SLC6A4: variants seen among roughly 807,000 people sequenced by gnomAD.
SLC6A4 encodes the protein sodium-dependent serotonin transporter.
Under a neutral mutation model 73.4 loss-of-function variants are expected in SLC6A4, and 22 were observed. The observed-to-expected ratio is 0.30, with a 90% confidence interval of 0.21 to 0.43. SLC6A4 has a LOEUF of 0.43. SLC6A4 is among the 20% of genes least tolerant of loss of function. The probability of loss-of-function intolerance (pLI) is 1.00; values close to 1 mark genes in which losing one functional copy is unlikely to be tolerated. For synonymous variants in SLC6A4, 270 were observed against 315.5 expected, an observed-to-expected ratio of 0.86 and a Z score of 1.53; for missense variants, 593 against 808.5, an observed-to-expected ratio of 0.73 and a Z score of 3.23.
At chr17:30,229,251 G>A (rs1194085479) in intron 1 of SLC6A4, among the ~76,000 whole-genome samples, 1 of 152,204 alleles carries the variant, frequency 6.6e-6, no homozygotes, top group African/African-American at 2.4e-5. Flanking sequence ...CCCATCAGCG[G>A]TCTGGGCTCC....
intron 1 of SLC6A4, among the ~76,000 whole-genome samples, chr17:30,223,457 TG>T (rs1906832316): frequency 6.6e-6 from 1 of 152,102 alleles, no homozygotes; most frequent in Non-Finnish European, 1.5e-5. Flanking sequence ...ACATAGTAAG[TG>T]AAAAATCAGG....
intron 8 of SLC6A4, among the ~76,000 whole-genome samples, chr17:30,213,351 G>A (rs1906449646): frequency 7.1e-6 from 1 of 141,678 alleles, no homozygotes; most frequent in Non-Finnish European, 1.5e-5. Flanking sequence ...TGCCCAGGCT[G>A]GAGTGCAGTG....
At position 30,218,211 on chromosome 17, in the gene SLC6A4, T is replaced by A; in HGVS notation, c.605A>T (p.Asn202Ile). Reference sequence around the variant, plus strand: ...GGTGCAGTTGCCAGTGTTCCAGGAGTTCTTGCAGCTGGTCCAGGGCAGCTG... The same window carrying A: ...GGTGCAGTTGCCAGTGTTCCAGGAGATCTTGCAGCTGGTCCAGGGCAGCTG... Reference protein sequence around the residue: ...TDQLPWTSCKNSWNTGNCTNY... With the variant: ...TDQLPWTSCKISWNTGNCTNY... The change falls in exon 5 of 15, where the codon AAC becomes ATC. Residue 202 changes from asparagine to isoleucine, a missense_variant. Asn to Ile is a moderately radical substitution (Grantham distance 149). Coordinates refer to ENST00000650711, the MANE Select transcript of SLC6A4 (RefSeq NM_001045.6). 6.2e-7 allele frequency: 1 copy of A among 1,614,024 alleles called. No individual in the cohort carries two copies. Among genetic ancestry groups the A allele is most frequent in the Non-Finnish European group, 8.5e-7 (1 of 1,179,974 alleles).
intron 5 of SLC6A4, among the ~76,000 whole-genome samples, chr17:30,217,580 G>A (rs757208097): frequency 2.6e-5 from 4 of 152,190 alleles, no homozygotes; most frequent in African/African-American, 4.8e-5. Context: ...TGACCAATGT[G>A]ACTGGCTTTT....
Position 30,198,418 on chromosome 17 carries a change from G to A in SLC6A4, c.*38C>T. On this transcript the variant is annotated 3_prime_UTR_variant, in exon 15 of 15. Transcript: ENST00000650711. ...GCGTGCCTCATCAGAACTGGAGGAG[G>A]AGGTTGTGGAGAAGCCTTTTTCCTC... The A allele has an allele frequency of 1.7e-6, 2 of 1,195,566 alleles. No homozygotes were observed. The highest frequency in any genetic ancestry group is 2.5e-6 in the Non-Finnish European group (2 of 811,826). The allele number at this position is 1,195,566 out of a possible 1,614,324, so 74.1% of individuals were successfully genotyped here.
chr17:30,200,249 C>T (rs975446773), intron 14 of SLC6A4, among the ~76,000 whole-genome samples: 13 of 152,228 alleles, frequency 8.5e-5, no homozygotes, highest in African/African-American at 2.4e-4. Flanking sequence ...GCCAGGCCCA[C>T]GTCTGTTTTC....
rs538001502 is a variant in SLC6A4 at position 30,195,973 on chromosome 17, C to T, written c.*2483G>A. ...CAGGAATTATAGGCGCCTGCCACCA[C>T]ATTCAGCTAATTTTCTGTATTTTTA... On this transcript the variant is annotated 3_prime_UTR_variant, in exon 15 of 15. Coordinates refer to ENST00000650711, the MANE Select transcript of SLC6A4 (RefSeq NM_001045.6). 31 of 152,026 alleles carry T rather than the reference C, an allele frequency of 2.0e-4. No homozygotes were observed. The highest frequency in any genetic ancestry group is 7.2e-4 in the African/African-American group (30 of 41,458). 9.4% of individuals were successfully genotyped at this position (152,026 alleles called of 1,614,324 possible).
At chr17:30,203,607 C>A in intron 13 of SLC6A4, 1 of 429,414 alleles carries the variant, frequency 2.3e-6, no homozygotes, top group Non-Finnish European at 4.3e-6. Context: ...CTACAGCTGC[C>A]CCTACAGTCG....
intron 14 of SLC6A4, among the ~76,000 whole-genome samples, chr17:30,202,107 C>G (rs1398414774): frequency 6.6e-6 from 1 of 152,072 alleles, no homozygotes; most frequent in Non-Finnish European, 1.5e-5. Flanking sequence ...AAAGAAAGAG[C>G]TGATGTTTAA....
chr17:30,212,964 G>T, intron 8 of SLC6A4, 97 bp from the exon 9 acceptor site: 2 of 1,338,066 alleles, frequency 1.5e-6, no homozygotes, highest in Non-Finnish European at 2.1e-6. Flanking sequence ...AGACAGGGCG[G>T]CCACAGCAAG....
At chr17:30,200,602 C>T (rs1906002613) in intron 14 of SLC6A4, among the ~76,000 whole-genome samples, 1 of 152,134 alleles carries the variant, frequency 6.6e-6, no homozygotes, top group East Asian at 1.9e-4. Context: ...ATGAGGCTTC[C>T]CTCCCTCACA....
chr17:30,219,977 G>A (rs1367604779), intron 3 of SLC6A4, among the ~76,000 whole-genome samples: 2 of 152,200 alleles, frequency 1.3e-5, no homozygotes, highest in East Asian at 3.9e-4. Context: ...TGGGGAATGA[G>A]TGTCGGGGAA....
At chr17:30,202,374 C>T (rs192605905) in intron 14 of SLC6A4, among the ~76,000 whole-genome samples, 1 of 152,284 alleles carries the variant, frequency 6.6e-6, no homozygotes, top group Non-Finnish European at 1.5e-5. Flanking sequence ...ATCCACATGC[C>T]TTGGCCTCCT....
chr17:30,209,428 T>G (rs2143014123), intron 11 of SLC6A4, among the ~76,000 whole-genome samples, 186 bp from the exon 12 acceptor site: 1 of 152,158 alleles, frequency 6.6e-6, no homozygotes, highest in African/African-American at 2.4e-5. Flanking sequence ...TCCCAGCACT[T>G]TGGGAGGCTG....
rs184497610 is a variant in SLC6A4 at position 30,227,470 on chromosome 17, T to C, written c.-220-4555A>G. The stretch of plus-strand genomic sequence containing the variant: ...AGTGTTTTTTCTGTTCCTTTGTGTG[T>C]GTGTTTGTGTGTGTGTGTGTGTTGT... On this transcript the variant is annotated intron_variant, in intron 1 of 14. Transcript: ENST00000650711. Among the ~76,000 whole-genome samples, 22 of 151,992 alleles carry C rather than the reference T, an allele frequency of 1.4e-4. No homozygotes were observed. In the East Asian group the frequency reaches 4.1e-3, roughly 28 times the overall value.
In SLC6A4 at chr17:30,218,723, C is replaced by T. The variant is rs974931689; in HGVS notation, c.478+74G>A. The T allele has an allele frequency of 8.5e-6, 13 of 1,537,118 alleles. No individual in the cohort carries two copies. In the African/African-American group the frequency reaches 1.4e-4, roughly 16 times the overall value. ...CCTGACTGATTCCAGAAGAAGGTCC[C>T]CAGCTCCCACCCACTGATGGAAATC... is the stretch of plus-strand genomic sequence containing the variant. On this transcript the variant is annotated intron_variant, in intron 4 of 14. Coordinates refer to ENST00000650711, the MANE Select transcript of SLC6A4 (RefSeq NM_001045.6).
intron 14 of SLC6A4, among the ~76,000 whole-genome samples, chr17:30,199,899 CT>C (rs763174560): frequency 0.017 from 2,440 of 141,688 alleles, 24 homozygotes; most frequent in African/African-American, 0.04. Context: ...ATAACGAGTC[CT>C]TTTTTTTTTT....
At position 30,216,207 on chromosome 17, in the gene SLC6A4, C is replaced by A. The variant is rs138004662; in HGVS notation, c.847G>T (p.Val283Leu). ...GVKTSGKVVWVTATFPYIILS... is the reference protein window; with the variant it reads ...GVKTSGKVVWLTATFPYIILS... Reference sequence around the variant, plus strand: ...ATGATATAAGGGAAGGTGGCTGTCACCCACACCACCTGTAAGGAAGAAGGG... The same window carrying A: ...ATGATATAAGGGAAGGTGGCTGTCAACCACACCACCTGTAAGGAAGAAGGG... Residue 283 changes from valine to leucine, a missense_variant, in exon 7 of 15, where the codon GTG becomes TTG. Val to Leu is a conservative substitution (Grantham distance 32, BLOSUM62 1). Transcript: ENST00000650711. 8.0e-5 allele frequency: 128 copies of A among 1,609,910 alleles called. No homozygotes were observed. The highest frequency in any genetic ancestry group is 7.3e-4 in the African/African-American group (54 of 74,340).
chr17:30,207,942 G>T, intron 12 of SLC6A4, 110 bp from the exon 13 acceptor site: 1 of 744,794 alleles, frequency 1.3e-6, no homozygotes, highest in African/African-American at 1.7e-5. Flanking sequence ...CACTGGGAAT[G>T]ACAAGGGGAA....
Sources: gnomAD v4.1 joint callset for allele counts (sites outside exome capture counted in the v4.1 genomes callset) on GRCh38, gnomAD v4.1.1 for gene constraint, MANE v1.5 for transcripts, NCBI Gene and HGNC (gene_info 2026-07-23, HGNC 2026-07-21) for gene names.